Variants in SLC5A4 observed in about 807,000 individuals in gnomAD.
SLC5A4 encodes probable glucose sensor protein SLC5A4.
A neutral mutation model predicts 70.3 loss-of-function variants in SLC5A4; 55 were observed. That is an observed-to-expected ratio of 0.78 (90% CI 0.63 to 0.98). The LOEUF (loss-of-function observed/expected upper bound fraction) is 0.98. Ranked by LOEUF, SLC5A4 falls within the 50% of genes least tolerant of loss-of-function variation. The probability of loss-of-function intolerance (pLI) is 0.00; values close to 1 mark genes in which losing one functional copy is unlikely to be tolerated. For synonymous variants in SLC5A4, 268 were observed against 305.7 expected, an observed-to-expected ratio of 0.88 and a Z score of 1.29; for missense variants, 735 against 839.2, an observed-to-expected ratio of 0.88 and a Z score of 1.53.
the SLC5A4 span, among the ~76,000 whole-genome samples, chr22:32,309,101 T>G: frequency 1.3e-5 from 2 of 148,310 alleles, no homozygotes; most frequent in Non-Finnish European, 3.0e-5. Context: ...AGGGTACAGG[T>G]GAGGTGGGTG....
At chr22:32,345,582 AAAAGAG>A in the SLC5A4 span, among the ~76,000 whole-genome samples, 1 of 152,202 alleles carries the variant, frequency 6.6e-6, no homozygotes, top group Non-Finnish European at 1.5e-5. Flanking sequence ...AGGGACATGA[AAAAGAG>A]AAATCTTAAA....
At chr22:32,293,903 ACT>A in the SLC5A4 span, among the ~76,000 whole-genome samples, 1 of 152,160 alleles carries the variant, frequency 6.6e-6, no homozygotes, top group Non-Finnish European at 1.5e-5. Context: ...AAACATATAT[ACT>A]GTTTGATATA....
the SLC5A4 span, among the ~76,000 whole-genome samples, chr22:32,333,204 C>CCCCG: frequency 6.7e-6 from 1 of 149,154 alleles, no homozygotes; most frequent in East Asian, 2.1e-4. Context: ...GCACCCCCCC[C>CCCCG]CCAGAAGACT....
the SLC5A4 span, chr22:32,343,073 T>TA: frequency 2.6e-5 from 4 of 152,236 alleles, no homozygotes; most frequent in Non-Finnish European, 2.9e-5. Context: ...AGCGGCCTTC[T>TA]AATACTCTCT....
chr22:32,330,986 G>GGGGGGATCTGGTGTGTGTGTGTGTTT, the SLC5A4 span, among the ~76,000 whole-genome samples: 141 of 1,388 alleles, frequency 0.1, 2 homozygotes, highest in Non-Finnish European at 0.13. Context: ...TGTGTGTGTT[G>GGGGGGATCTGGTGTGTGTGTGTGTTT]GGGGCTCTGG....
intron 7 of SLC5A4, among the ~76,000 whole-genome samples, 166 bp from the exon 8 acceptor site, chr22:32,235,259 T>A (rs1480814633): frequency 2.6e-5 from 4 of 152,148 alleles, no homozygotes; most frequent in Non-Finnish European, 1.5e-5. Flanking sequence ...TCCGCTGGCA[T>A]TGGCCATGCT....
the SLC5A4 span, among the ~76,000 whole-genome samples, chr22:32,294,823 C>T: frequency 2.2e-5 from 2 of 91,220 alleles, no homozygotes; most frequent in African/African-American, 8.3e-5. Context: ...CCTCCCCCAA[C>T]CCCACAACAG....
the SLC5A4 span, among the ~76,000 whole-genome samples, chr22:32,305,527 T>C: frequency 2.0e-5 from 3 of 148,672 alleles, 1 homozygote; most frequent in African/African-American, 7.5e-5. Flanking sequence ...GGTATCCCCA[T>C]CATCAGATTT....
chr22:32,344,258 T>A, the SLC5A4 span, among the ~76,000 whole-genome samples: 28,031 of 152,074 alleles, frequency 0.18, 3,305 homozygotes, highest in African/African-American at 0.34. Context: ...CTCAGTTCAC[T>A]CCTGCTGTGT....
rs1925839979 is a variant in SLC5A4 at position 32,232,893 on chromosome 22, G to A, written c.1021+6C>T. On this transcript the variant is annotated splice_donor_region_variant and intron_variant, in intron 9 of 14. Transcript: ENST00000266086. ...AAAAGAGAGAACATACGGATTCAGG[G>A]CTTACCTGTGTACAGGATGCGGCTG... 1 of 1,611,234 alleles carries A rather than the reference G, an allele frequency of 6.2e-7. No individual in the cohort carries two copies. Among genetic ancestry groups the A allele is most frequent in the Admixed American group, 1.7e-5 (1 of 59,304 alleles).
chr22:32,265,320 C>G, the SLC5A4 span, among the ~76,000 whole-genome samples: 1 of 151,994 alleles, frequency 6.6e-6, no homozygotes, highest in South Asian at 2.1e-4. Context: ...CCCAGGAGTT[C>G]GAGGCTACAG....
the SLC5A4 span, among the ~76,000 whole-genome samples, chr22:32,327,835 G>A: frequency 6.6e-6 from 1 of 152,160 alleles, no homozygotes; most frequent in Non-Finnish European, 1.5e-5. Flanking sequence ...GAGCCCTGCC[G>A]GCCTCCCTGC....
the SLC5A4 span, among the ~76,000 whole-genome samples, chr22:32,310,271 G>A: frequency 1.3e-5 from 2 of 152,124 alleles, no homozygotes; most frequent in African/African-American, 2.4e-5. Context: ...CAGGACATGA[G>A]GGTTGCAAAC....
chr22:32,293,260 G>A, the SLC5A4 span, among the ~76,000 whole-genome samples: 2 of 152,046 alleles, frequency 1.3e-5, no homozygotes, highest in African/African-American at 4.8e-5. Context: ...TTTAAATGGT[G>A]CATTTCATTC....
chr22:32,338,040 C>T, the SLC5A4 span, among the ~76,000 whole-genome samples: 1 of 150,380 alleles, frequency 6.6e-6, no homozygotes, highest in Non-Finnish European at 1.5e-5. Flanking sequence ...CCATCTCATA[C>T]TGGATATGTT....
chr22:32,345,794 A>G, the SLC5A4 span, among the ~76,000 whole-genome samples: 3 of 152,346 alleles, frequency 2.0e-5, no homozygotes, highest in Non-Finnish European at 4.4e-5. Context: ...ACAAAGGTCT[A>G]AAGATTTACA....
chr22:32,263,762 C>T, the SLC5A4 span, among the ~76,000 whole-genome samples: 62 of 152,180 alleles, frequency 4.1e-4, no homozygotes, highest in Admixed American at 1.1e-3. Context: ...ATTTTTATTG[C>T]GGTACTATTC....
chr22:32,256,843 A>G (rs1276993824), upstream of SLC5A4, among the ~76,000 whole-genome samples: 6 of 152,274 alleles, frequency 3.9e-5, no homozygotes, highest in South Asian at 2.1e-4. Context: ...GGTTCTTTCT[A>G]TACTTGGCTA....
the SLC5A4 span, among the ~76,000 whole-genome samples, chr22:32,339,582 C>A: frequency 5.4e-4 from 83 of 152,322 alleles, no homozygotes; most frequent in Middle Eastern, 0.01. Flanking sequence ...GCCGGGCCCT[C>A]CTCTTGTGGG....
Sources: allele counts gnomAD v4.1 joint callset (sites outside exome capture counted in the v4.1 genomes callset), GRCh38; gene constraint gnomAD v4.1.1; transcripts MANE v1.5; gene names NCBI Gene and HGNC (gene_info 2026-07-23, HGNC 2026-07-21).